The following MAPK10 variants were observed in gnomAD, a reference collection of about 807,000 sequenced individuals.
The protein encoded by MAPK10 is JNK3 alpha protein kinase.
In MAPK10, 25 loss-of-function variants were observed where a neutral mutation model predicts 59.3. That is an observed-to-expected ratio of 0.42 (90% confidence interval 0.31 to 0.59). The LOEUF is 0.59. MAPK10 is among the 20% of genes least tolerant of loss of function. The probability of loss-of-function intolerance (pLI) is 0.15; values close to 1 mark genes in which losing one functional copy is unlikely to be tolerated. For synonymous variants in MAPK10, 190 were observed against 200.5 expected, an observed-to-expected ratio of 0.95 and a Z score of 0.44; for missense variants, 351 against 568.9, an observed-to-expected ratio of 0.62 and a Z score of 3.90.
At chr4:86,520,906 G>A (rs1381138861) in intron 1 of MAPK10, among the ~76,000 whole-genome samples, 1 of 152,178 alleles carries the variant, frequency 6.6e-6, no homozygotes, top group Non-Finnish European at 1.5e-5. Context: ...ACCCAATGGG[G>A]CTACTGGATT....
Position 86,103,073 on chromosome 4 carries a change from C to CTT in MAPK10, c.425+112_425+113insAA. The CTT allele has an allele frequency of 3.0e-5, 9 of 303,486 alleles. No homozygotes were observed. The East Asian group carries it at 5.2e-4, about 18-fold the overall frequency. The allele number at this position is 303,486 out of a possible 1,614,324, so 18.8% of individuals were successfully genotyped here. ...CTTTGAGCAGTATAAGGGATTTCAA[C>CTT]TCTGTGTGTGTGTGTGTGTGTGTGT... is the stretch of plus-strand genomic sequence containing the variant. On this transcript the variant is annotated intron_variant, in intron 6 of 13. Coordinates refer to ENST00000641462, the MANE Select transcript of MAPK10 (RefSeq NM_138982.4).
intron 1 of MAPK10, among the ~76,000 whole-genome samples, chr4:86,544,881 CTT>C (rs57179485): frequency 7.2e-6 from 1 of 139,208 alleles, no homozygotes; most frequent in Admixed American, 7.3e-5. Flanking sequence ...AGGTTTTTTT[CTT>C]TTTTTTTTTT....
intron 1 of MAPK10, among the ~76,000 whole-genome samples, chr4:86,522,144 G>T (rs1032352031): frequency 1.3e-5 from 2 of 152,166 alleles, no homozygotes; most frequent in East Asian, 3.8e-4. Flanking sequence ...TGGGGTGTGT[G>T]TTCAGAGTCT....
chr4:86,488,776 A>G (rs1304405265), intron 1 of MAPK10, among the ~76,000 whole-genome samples: 2 of 152,102 alleles, frequency 1.3e-5, no homozygotes, highest in African/African-American at 2.4e-5. Flanking sequence ...TCTCTCTTCC[A>G]TCATCTTCAA....
At chr4:86,298,410 G>T (rs1372507084) in intron 2 of MAPK10, among the ~76,000 whole-genome samples, 2 of 152,196 alleles carry the variant, frequency 1.3e-5, no homozygotes, top group African/African-American at 4.8e-5. Context: ...AATAAACAAA[G>T]CTACTCTCAT....
At chr4:86,092,875 C>T (rs897206092) in intron 9 of MAPK10, among the ~76,000 whole-genome samples, 3 of 151,960 alleles carry the variant, frequency 2.0e-5, no homozygotes, top group Non-Finnish European at 4.4e-5. Flanking sequence ...ATTCTTTCAT[C>T]ATCATTCTAT....
chr4:86,292,227 C>T (rs1462008342), intron 2 of MAPK10, among the ~76,000 whole-genome samples: 2 of 152,176 alleles, frequency 1.3e-5, no homozygotes, highest in Non-Finnish European at 2.9e-5. Context: ...ATGTGTGCAA[C>T]TGAGTGAAGT....
rs139171398 is a variant in MAPK10 at position 86,069,592 on chromosome 4, A to G, written c.803-1637T>C. 3.6e-3 allele frequency among the ~76,000 whole-genome samples: 552 copies of G among 152,232 alleles called. 7 individuals are homozygous for G. Among genetic ancestry groups the G allele is most frequent in the Admixed American group, 0.025 (379 of 15,284 alleles). Reference sequence around the variant, plus strand: ...ATAGGTAAGCTATAAGTACTTAGACATACTTAAATAGAATACATTAGTGTA... The same window carrying G: ...ATAGGTAAGCTATAAGTACTTAGACGTACTTAAATAGAATACATTAGTGTA... On this transcript the variant is annotated intron_variant, in intron 9 of 13. Transcript: ENST00000641462.
intron 13 of MAPK10, chr4:86,020,134 T>C (rs1423091756): frequency 6.6e-6 from 1 of 152,258 alleles, no homozygotes; most frequent in Non-Finnish European, 1.5e-5. Context: ...TTTGCCTCTA[T>C]AAAATTGCCT....
chr4:86,184,804 T>A (rs926317035), intron 3 of MAPK10, among the ~76,000 whole-genome samples: 27 of 152,204 alleles, frequency 1.8e-4, no homozygotes, highest in African/African-American at 6.5e-4. Context: ...ACATTTCTTG[T>A]ACTGTCGCAG....
At chr4:86,132,585 A>G (rs1028208332) in intron 4 of MAPK10, among the ~76,000 whole-genome samples, 3 of 152,196 alleles carry the variant, frequency 2.0e-5, no homozygotes, top group Non-Finnish European at 4.4e-5. Context: ...AGGGTCCCCA[A>G]CCGGGCCACA....
At chr4:86,576,806 T>A (rs1479490153) in intron 1 of MAPK10, among the ~76,000 whole-genome samples, 1 of 151,830 alleles carries the variant, frequency 6.6e-6, no homozygotes, top group African/African-American at 2.4e-5. Flanking sequence ...TATAATTGGT[T>A]AATTATTGTG....
At chr4:86,038,411 C>T (rs1488037897) in intron 11 of MAPK10, among the ~76,000 whole-genome samples, 1 of 152,060 alleles carries the variant, frequency 6.6e-6, no homozygotes, top group Non-Finnish European at 1.5e-5. Flanking sequence ...AGATGATTGT[C>T]AAAAGATGCA....
chr4:86,115,135 C>T (rs1215472888), intron 4 of MAPK10, among the ~76,000 whole-genome samples: 3 of 152,228 alleles, frequency 2.0e-5, no homozygotes, highest in Non-Finnish European at 4.4e-5. Context: ...GCAACCCAAG[C>T]AGGTGGCACA....
intron 2 of MAPK10, among the ~76,000 whole-genome samples, chr4:86,210,663 A>T (rs74367655): frequency 0.085 from 12,857 of 151,788 alleles, 1,212 homozygotes; most frequent in African/African-American, 0.23. Context: ...TAAAAGGAAT[A>T]ACGTTGTTTT....
At chr4:86,158,685 A>G (rs1053721001) in intron 4 of MAPK10, among the ~76,000 whole-genome samples, 7 of 151,902 alleles carry the variant, frequency 4.6e-5, no homozygotes, top group Non-Finnish European at 8.8e-5. Context: ...TTAACCTGAT[A>G]TCATGAATTT....
chr4:86,536,945 G>T (rs565111759), intron 1 of MAPK10, among the ~76,000 whole-genome samples: 2 of 152,294 alleles, frequency 1.3e-5, no homozygotes, highest in East Asian at 3.9e-4. Context: ...GATAGGGAAA[G>T]CCATGGTGGT....
At chr4:86,395,129 AG>A (rs1742745300) in intron 1 of MAPK10, among the ~76,000 whole-genome samples, 1 of 152,188 alleles carries the variant, frequency 6.6e-6, no homozygotes, top group Non-Finnish European at 1.5e-5. Flanking sequence ...TTGGGGCCAA[AG>A]GGTACTATAA....
chr4:86,256,535 G>T (rs1268663508), intron 2 of MAPK10, among the ~76,000 whole-genome samples: 4 of 151,944 alleles, frequency 2.6e-5, no homozygotes, highest in Non-Finnish European at 2.9e-5. Context: ...ATGGGAATAA[G>T]ATATATATCT....
Sources: gnomAD v4.1 joint callset for allele counts (sites outside exome capture counted in the v4.1 genomes callset) on GRCh38, gnomAD v4.1.1 for gene constraint, MANE v1.5 for transcripts, NCBI Gene and HGNC (gene_info 2026-07-23, HGNC 2026-07-21) for gene names.